Variants in SCAPER observed in about 807,000 individuals in gnomAD.
SCAPER encodes S phase cyclin A-associated protein in the endoplasmic reticulum.
SCAPER carries 98 observed loss-of-function variants against 182.2 expected under a neutral mutation model. That is an observed-to-expected ratio of 0.54 (90% CI 0.46 to 0.64). SCAPER has a LOEUF of 0.64. SCAPER is among the 30% of genes least tolerant of loss of function. SCAPER has a pLI of 0.00. For missense variants in SCAPER, 1,432 were observed against 1,690.0 expected (o/e 0.85, Z 2.68); for synonymous variants, 605 against 564.6 (o/e 1.07, Z -1.01).
chr15:76,662,262 A>G (rs2056246553), intron 21 of SCAPER, among the ~76,000 whole-genome samples: 1 of 152,214 alleles, frequency 6.6e-6, no homozygotes, highest in East Asian at 1.9e-4. Flanking sequence ...TGATAGTTGC[A>G]GCAAACCACC....
chr15:76,850,859 CAA>C (rs59202490), intron 4 of SCAPER, among the ~76,000 whole-genome samples: 76 of 90,040 alleles, frequency 8.4e-4, no homozygotes, highest in Middle Eastern at 6.8e-3. Flanking sequence ...GACTCTGTCT[CAA>C]AAAAAAAAAA....
intron 21 of SCAPER, among the ~76,000 whole-genome samples, chr15:76,656,823 G>A (rs2055678351): frequency 6.6e-6 from 1 of 152,070 alleles, no homozygotes; most frequent in African/African-American, 2.4e-5. Flanking sequence ...AATTAAAGCA[G>A]AAATCAAGAA....
intron 29 of SCAPER, among the ~76,000 whole-genome samples, chr15:76,357,469 C>T (rs1170680393): frequency 5.3e-5 from 8 of 152,114 alleles, no homozygotes; most frequent in East Asian, 3.9e-4. Context: ...CAGATGTTGG[C>T]GAGGATACAG....
intron 5 of SCAPER, among the ~76,000 whole-genome samples, chr15:76,824,089 C>A (rs62029186): frequency 0.049 from 7,427 of 152,136 alleles, 265 homozygotes; most frequent in Middle Eastern, 0.092. Flanking sequence ...TCATGTTTTA[C>A]GAACAAGGGA....
intron 17 of SCAPER, among the ~76,000 whole-genome samples, chr15:76,713,235 T>C (rs1264796117): frequency 6.6e-6 from 1 of 152,012 alleles, no homozygotes; most frequent in Non-Finnish European, 1.5e-5. Context: ...TCCTCAGGCA[T>C]CTAGAACTAG....
intron 21 of SCAPER, among the ~76,000 whole-genome samples, chr15:76,655,692 A>T (rs1597967922): frequency 6.6e-6 from 1 of 152,152 alleles, no homozygotes; most frequent in Non-Finnish European, 1.5e-5. Context: ...AAGTAAACTC[A>T]TCAGGCTAAC....
intron 4 of SCAPER, among the ~76,000 whole-genome samples, chr15:76,852,161 C>T: frequency 6.6e-6 from 1 of 152,048 alleles, no homozygotes; most frequent in East Asian, 1.9e-4. Flanking sequence ...ATATATGCAC[C>T]CAACACAGGA....
At chr15:76,851,081 G>C (rs544328284) in intron 4 of SCAPER, among the ~76,000 whole-genome samples, 1 of 151,928 alleles carries the variant, frequency 6.6e-6, no homozygotes, top group Non-Finnish European at 1.5e-5. Context: ...TAACAGAATA[G>C]ACCAAGCTGA....
intron 5 of SCAPER, among the ~76,000 whole-genome samples, chr15:76,805,359 G>C (rs1427559328): frequency 1.3e-5 from 2 of 152,072 alleles, no homozygotes; most frequent in Non-Finnish European, 2.9e-5. Context: ...CACAGCTGCT[G>C]CATCATTTTA....
intron 26 of SCAPER, among the ~76,000 whole-genome samples, chr15:76,431,333 G>A (rs887158833): frequency 5.3e-5 from 8 of 152,094 alleles, no homozygotes; most frequent in African/African-American, 1.7e-4. Context: ...TAGTATGGGT[G>A]GCCATACTTT....
At chr15:76,399,352 C>G (rs377172615) in intron 27 of SCAPER, among the ~76,000 whole-genome samples, 12 of 152,130 alleles carry the variant, frequency 7.9e-5, no homozygotes, top group African/African-American at 2.9e-4. Flanking sequence ...TGGCCAGTCT[C>G]GTCTTGAACT....
chr15:76,798,356 T>C (rs1288958229), intron 7 of SCAPER, among the ~76,000 whole-genome samples: 3 of 122,466 alleles, frequency 2.4e-5, no homozygotes, highest in African/African-American at 6.1e-5. Context: ...CAAGACTATA[T>C]CTTAAAAAAA....
chr15:76,624,154 T>C (rs1287900828), intron 21 of SCAPER, among the ~76,000 whole-genome samples: 4 of 152,188 alleles, frequency 2.6e-5, no homozygotes, highest in Non-Finnish European at 4.4e-5. Flanking sequence ...CTCTAAAGAC[T>C]CTGCCAAAAG....
chr15:76,752,014 A>G (rs1309543844), intron 15 of SCAPER, among the ~76,000 whole-genome samples: 1 of 151,554 alleles, frequency 6.6e-6, no homozygotes. Flanking sequence ...AAGAATATAT[A>G]CAGAAGTCTT....
At chr15:76,552,781 G>A (rs556489324) in intron 23 of SCAPER, among the ~76,000 whole-genome samples, 94 of 151,980 alleles carry the variant, frequency 6.2e-4, no homozygotes, top group African/African-American at 2.2e-3. Flanking sequence ...ACTGCTAGAT[G>A]GCTTTAGCCT....
intron 21 of SCAPER, among the ~76,000 whole-genome samples, chr15:76,623,107 T>C (rs1216036181): frequency 1.3e-5 from 2 of 152,242 alleles, no homozygotes; most frequent in African/African-American, 4.8e-5. Flanking sequence ...TATTTGGTTT[T>C]TGCTTATTCA....
At chr15:76,764,387 C>T (rs1471506355) in intron 14 of SCAPER, among the ~76,000 whole-genome samples, 2 of 149,708 alleles carry the variant, frequency 1.3e-5, no homozygotes, top group Non-Finnish European at 3.0e-5. Context: ...CAAGGCAGGT[C>T]GTGGCAGAGG....
chr15:76,530,992 C>CGT (rs1305392491), intron 23 of SCAPER, among the ~76,000 whole-genome samples: 1 of 150,046 alleles, frequency 6.7e-6, no homozygotes, highest in Non-Finnish European at 1.5e-5. Context: ...TGAATATACA[C>CGT]GTGTATATAT....
chr15:76,348,986 A>G, intron 31 of SCAPER: 1 of 273,302 alleles, frequency 3.7e-6, no homozygotes, highest in Non-Finnish European at 6.9e-6. Context: ...TAACCCCTAT[A>G]TAAATTACAA....
Sources: allele counts gnomAD v4.1 joint callset (sites outside exome capture counted in the v4.1 genomes callset), GRCh38; gene constraint gnomAD v4.1.1; transcripts MANE v1.5; gene names NCBI Gene and HGNC (gene_info 2026-07-23, HGNC 2026-07-21).